LETM1: variants seen among roughly 807,000 people sequenced by gnomAD.
LETM1 encodes mitochondrial proton/calcium exchanger protein.
A neutral mutation model predicts 74.5 loss-of-function variants in LETM1; 50 were observed. The ratio of observed to expected loss-of-function variants is 0.67; its 90% CI spans 0.53 to 0.85. The LOEUF (loss-of-function observed/expected upper bound fraction) is 0.85. Among genes scored for constraint, LETM1 ranks in the 40% least tolerant of loss-of-function variants. The pLI is 0.00. For missense variants in LETM1, 824 were observed against 967.8 expected (o/e 0.85, Z 1.97); for synonymous variants, 446 against 407.1 (o/e 1.10, Z -1.15).
At position 1,836,984 on chromosome 4, in the gene LETM1, G is replaced by C. The variant is rs1245522962; in HGVS notation, c.595-412C>G. Among the ~76,000 whole-genome samples, 2 of 152,158 alleles carry C rather than the reference G, an allele frequency of 1.3e-5. No homozygotes were observed. Among genetic ancestry groups the C allele is most frequent in the African/African-American group, 2.4e-5 (1 of 41,434 alleles). The stretch of plus-strand genomic sequence containing the variant: ...TCTCTTGGAGGGTGCTCTATAAGGA[G>C]GGCTTCTCTTGTGTTTCCTAAGACT... On this transcript the variant is annotated intron_variant, in intron 3 of 13. Coordinates refer to ENST00000302787, the MANE Select transcript of LETM1 (RefSeq NM_012318.3). This position sits in a 1 kb window ranked among gnomAD's most constrained non-coding sequence, Gnocchi z 5.8.
At chr4:1,845,091 G>A (rs1287966657) in intron 2 of LETM1, among the ~76,000 whole-genome samples, 7 of 151,986 alleles carry the variant, frequency 4.6e-5, no homozygotes, top group Non-Finnish European at 1.0e-4. Context: ...TCGGGAGGCT[G>A]AGGCAGGAGA....
chr4:1,847,087 T>C (rs1712905260), intron 2 of LETM1, among the ~76,000 whole-genome samples: 1 of 152,088 alleles, frequency 6.6e-6, no homozygotes, highest in African/African-American at 2.4e-5. Context: ...TCCCAGCACT[T>C]TGGGAGGCCA....
rs765674364 is a variant in LETM1 at position 1,825,600 on chromosome 4, G to A, written c.1164C>T (p.Gly388=). ...GACCCCTCAGGCGGTCTTCCGTGAC[G>A]CCCAGGGCCCGCATGCCTCGTGCCC... ...ACRARGMRAL[G]VTEDRLRGQL... The change falls in exon 7 of 14, where the codon GGC becomes GGT. Residue 388 remains glycine, a synonymous_variant. Transcript: ENST00000302787. 5.0e-6 allele frequency: 8 copies of A among 1,613,702 alleles called. No individual in the cohort carries two copies. The Admixed American group carries it at 5.0e-5, about 10-fold the overall frequency.
chr4:1,853,566 A>G (rs1308420826), intron 1 of LETM1, among the ~76,000 whole-genome samples: 2 of 152,258 alleles, frequency 1.3e-5, no homozygotes, highest in African/African-American at 4.8e-5. Flanking sequence ...GTACTCCTCA[A>G]AGCTGTCAAG....
chr4:1,840,588 A>AC (rs1327172702), intron 3 of LETM1, among the ~76,000 whole-genome samples: 2 of 150,772 alleles, frequency 1.3e-5, no homozygotes, highest in Non-Finnish European at 3.0e-5. Context: ...AATGGTGTGG[A>AC]CCCCGGGGGG....
chr4:1,829,637 G>T (rs1028014659), intron 6 of LETM1, among the ~76,000 whole-genome samples: 2 of 152,190 alleles, frequency 1.3e-5, no homozygotes, highest in Non-Finnish European at 2.9e-5. Context: ...CAGCCTAATA[G>T]TAAGACCTCA....
At chr4:1,826,179 A>T (rs1440248699) in intron 6 of LETM1, among the ~76,000 whole-genome samples, 1 of 152,254 alleles carries the variant, frequency 6.6e-6, no homozygotes, top group African/African-American at 2.4e-5. Context: ...ACCAAGGCAT[A>T]CAGGGAGCAA....
chr4:1,818,028 C>T (rs1434863499), intron 11 of LETM1, among the ~76,000 whole-genome samples: 1 of 152,224 alleles, frequency 6.6e-6, no homozygotes, highest in Non-Finnish European at 1.5e-5. Context: ...GATCCTCCTG[C>T]CTTGACCTCC....
At chr4:1,842,917 A>G (rs1577324722) in intron 2 of LETM1, 1 of 255,556 alleles carries the variant, frequency 3.9e-6, no homozygotes, top group Non-Finnish European at 8.1e-6. Context: ...AGGCCCATTC[A>G]GCCTCACGAT....
At chr4:1,848,362 C>T (rs1033731800) in intron 2 of LETM1, among the ~76,000 whole-genome samples, 2 of 152,026 alleles carry the variant, frequency 1.3e-5, no homozygotes, top group African/African-American at 4.8e-5. Context: ...TCCTGGCTAA[C>T]ACGGTGAAAC....
intron 6 of LETM1, among the ~76,000 whole-genome samples, chr4:1,831,628 C>G (rs1712273898): frequency 6.6e-6 from 1 of 152,260 alleles, no homozygotes; most frequent in Non-Finnish European, 1.5e-5. Flanking sequence ...CCCCCTCAGC[C>G]TTCTCTGACA....
chr4:1,829,142 A>T (rs112182369), intron 6 of LETM1, among the ~76,000 whole-genome samples: 1 of 120,150 alleles, frequency 8.3e-6, no homozygotes, highest in East Asian at 3.0e-4. Context: ...CACCTCCCGG[A>T]CGGGGCGGCT....
intron 1 of LETM1, among the ~76,000 whole-genome samples, chr4:1,855,125 G>A (rs2108859926): frequency 6.6e-6 from 1 of 152,308 alleles, no homozygotes; most frequent in African/African-American, 2.4e-5. Flanking sequence ...AGTTTGAGGT[G>A]CAGTGAGTAT....
intron 2 of LETM1, chr4:1,843,056 A>G: frequency 2.9e-6 from 1 of 346,168 alleles, no homozygotes. Context: ...TCCTGCTTCC[A>G]TCAGCTCTCT....
At position 1,836,345 on chromosome 4, in the gene LETM1, G is replaced by A; in HGVS notation, c.738+84C>T. 3 of 1,359,094 alleles carry A rather than the reference G, an allele frequency of 2.2e-6. No individual in the cohort carries two copies. The allele number at this position is 1,359,094 out of a possible 1,614,324, so 84.2% of individuals were successfully genotyped here. A position where few individuals can be genotyped will look rare whatever the true frequency, so the allele number is the denominator to read the frequency against. On this transcript the variant is annotated intron_variant, in intron 4 of 13. Coordinates refer to ENST00000302787, the MANE Select transcript of LETM1 (RefSeq NM_012318.3). The surrounding 1 kb of genome is among the most constrained non-coding windows in gnomAD (Gnocchi z 5.8). Reference sequence around the variant, plus strand: ...ATACATAAAGTCTCAAAAATATCTAGCACCTGAAAAGTCACAAACAAGGAA... The same window carrying A: ...ATACATAAAGTCTCAAAAATATCTAACACCTGAAAAGTCACAAACAAGGAA...
intron 2 of LETM1, among the ~76,000 whole-genome samples, chr4:1,842,140 AG>A (rs980076651): frequency 2.0e-5 from 3 of 152,154 alleles, no homozygotes; most frequent in Non-Finnish European, 2.9e-5. Context: ...TTGGGGAGGT[AG>A]GGTGCATTGC....
In LETM1 at chr4:1,811,991, G is replaced by T. The variant is rs1722483361; in HGVS notation, c.*2433C>A. 1 of 152,164 alleles carries T rather than the reference G, an allele frequency of 6.6e-6. No individual in the cohort carries two copies. The allele number at this position is 152,164 out of a possible 1,614,324, so 9.4% of individuals were successfully genotyped here. On this transcript the variant is annotated 3_prime_UTR_variant, in exon 14 of 14. Transcript: ENST00000302787. ...AGGTGAGTAGATCACGAAGTCAGGA[G>T]ATCGAGACCATCCTGGCTAACACGG...
At chr4:1,831,351 C>T (rs1482484124) in intron 6 of LETM1, among the ~76,000 whole-genome samples, 1 of 152,248 alleles carries the variant, frequency 6.6e-6, no homozygotes, top group African/African-American at 2.4e-5. Flanking sequence ...TGCTTGCTAC[C>T]GCTGGGAACG....
chr4:1,814,626 G>A, intron 13 of LETM1, 53 bp from the exon 14 acceptor site: 1 of 1,539,672 alleles, frequency 6.5e-7, no homozygotes, highest in South Asian at 1.1e-5. Context: ...ACAGCACAGT[G>A]AGGCAGAGGC....
Sources: gnomAD v4.1 joint callset for allele counts (sites outside exome capture counted in the v4.1 genomes callset) on GRCh38, gnomAD v4.1.1 for gene constraint, Gnocchi (gnomAD v3.1) non-coding constraint, MANE v1.5 for transcripts, NCBI Gene and HGNC (gene_info 2026-07-23, HGNC 2026-07-21) for gene names.